Variants in MIGA2 observed in about 807,000 individuals in gnomAD.
MIGA2 encodes family with sequence similarity 73, member B.
In MIGA2, 36 loss-of-function variants were observed where a neutral mutation model predicts 69.9. The observed-to-expected ratio is 0.52, with a 90% confidence interval of 0.39 to 0.68. The LOEUF is 0.68. Among genes scored for constraint, MIGA2 ranks in the 30% least tolerant of loss-of-function variants. MIGA2 has a pLI of 0.00. For missense variants in MIGA2, 660 were observed against 787.7 expected, an observed-to-expected ratio of 0.84 and a Z score of 1.94; for synonymous variants, 333 against 349.2, an observed-to-expected ratio of 0.95 and a Z score of 0.52.
At chr9:129,043,188 C>T (rs1845012863) in intron 3 of MIGA2, among the ~76,000 whole-genome samples, 2 of 148,496 alleles carry the variant, frequency 1.3e-5, no homozygotes, top group African/African-American at 2.5e-5. Flanking sequence ...AGCGAGACTC[C>T]GTCTCAAAAA....
chr9:129,045,836 A>G (rs1845189490), intron 3 of MIGA2, among the ~76,000 whole-genome samples: 1 of 151,968 alleles, frequency 6.6e-6, no homozygotes. Flanking sequence ...AGAATTGGAA[A>G]AATAAGTGTT....
rs1588405252 is a variant in MIGA2, at chr9:129,061,365, A to G, written c.1010+19A>G. On this transcript the variant is annotated intron_variant, in intron 9 of 15. Coordinates refer to ENST00000684074, the MANE Select transcript of MIGA2 (RefSeq NM_001329990.2). This position sits in a 1 kb window ranked among gnomAD's most constrained non-coding sequence, Gnocchi z 5.0. The stretch of plus-strand genomic sequence containing the variant: ...CCCTCAGGTGAGCAGGTGTGGAGGG[A>G]GGGAGGGAGGGAGCAGGAGGCGATG... 1.8e-6 allele frequency: 1 copy of G among 568,546 alleles called. No individual in the cohort carries two copies. Among genetic ancestry groups the G allele is most frequent in the Non-Finnish European group, 3.4e-6 (1 of 294,746 alleles). The allele number at this position is 568,546 out of a possible 1,614,324, so 35.2% of individuals were successfully genotyped here. A position where few individuals can be genotyped will look rare whatever the true frequency, so the allele number is the denominator to read the frequency against.
At position 129,068,013 on chromosome 9, in the gene MIGA2, C is replaced by T. The variant is rs774105308; in HGVS notation, c.1269+142C>T. The T allele has an allele frequency of 6.3e-6, 8 of 1,261,344 alleles. No homozygotes were observed. In the African/African-American group the frequency reaches 1.0e-4, roughly 16 times the overall value. The allele number at this position is 1,261,344 out of a possible 1,614,324, so 78.1% of individuals were successfully genotyped here. On this transcript the variant is annotated intron_variant, in intron 12 of 15. Coordinates refer to ENST00000684074, the MANE Select transcript of MIGA2 (RefSeq NM_001329990.2). This position sits in a 1 kb window ranked among gnomAD's most constrained non-coding sequence, Gnocchi z 4.1. ...CTCATAGTCCCCGGTTCCTGCCCTG[C>T]CCCAGGCCAAGGCAGAGGGAGGAAT... is the stretch of plus-strand genomic sequence containing the variant.
At position 129,060,098 on chromosome 9, in the gene MIGA2, G is replaced by A. The variant is rs547383611; in HGVS notation, c.794-452G>A. On this transcript the variant is annotated intron_variant, in intron 7 of 15. Coordinates refer to ENST00000684074, the MANE Select transcript of MIGA2 (RefSeq NM_001329990.2). This position sits in a 1 kb window ranked among gnomAD's most constrained non-coding sequence, Gnocchi z 4.8. The stretch of plus-strand genomic sequence containing the variant: ...GGTCCACACCCCTCAGCCCTTGGGC[G>A]AGCACGGAGGGGAACTCCAGGTTAG... 2.6e-5 allele frequency among the ~76,000 whole-genome samples: 4 copies of A among 152,344 alleles called. No homozygotes were observed. The highest frequency in any genetic ancestry group is 3.9e-4 in the East Asian group (2 of 5,178).
chr9:129,070,749 A>G lies in MIGA2; in HGVS notation c.*296A>G, dbSNP rs1021403067. 2.2e-6 allele frequency: 1 copy of G among 454,074 alleles called. No homozygotes were observed. The highest frequency in any genetic ancestry group is 4.0e-6 in the Non-Finnish European group (1 of 250,420). The allele number at this position is 454,074 out of a possible 1,614,324, so 28.1% of individuals were successfully genotyped here. On this transcript the variant is annotated 3_prime_UTR_variant, in exon 16 of 16. Coordinates refer to ENST00000684074, the MANE Select transcript of MIGA2 (RefSeq NM_001329990.2). The stretch of plus-strand genomic sequence containing the variant: ...CAGGTGGGGGACCCCAAAACCTCCC[A>G]TCGCTCCAGGGCTGCTGACAAGGGT...
chr9:129,061,356 TGTGG>T lies in MIGA2; in HGVS notation c.1010+11_1010+14del. On this transcript the variant is annotated intron_variant, in intron 9 of 15. Transcript: ENST00000684074. The surrounding 1 kb of genome is among the most constrained non-coding windows in gnomAD (Gnocchi z 5.0). ...CTTGCCGGACCCTCAGGTGAGCAGGTGTGGAGGGAGGGAGGGAGGGAGCAGGAGG... is the reference window on the plus strand; with the variant it reads ...CTTGCCGGACCCTCAGGTGAGCAGGTAGGGAGGGAGGGAGGGAGCAGGAGG... 7.1e-7 allele frequency: 1 copy of T among 1,400,824 alleles called. No homozygotes were observed. The highest frequency in any genetic ancestry group is 9.9e-7 in the Non-Finnish European group (1 of 1,005,458). The allele number at this position is 1,400,824 out of a possible 1,614,324, so 86.8% of individuals were successfully genotyped here.
chr9:129,068,832 T>C lies in MIGA2; in HGVS notation c.1405-244T>C. On this transcript the variant is annotated intron_variant, in intron 13 of 15. Transcript: ENST00000684074. This position sits in a 1 kb window ranked among gnomAD's most constrained non-coding sequence, Gnocchi z 4.1. Reference sequence around the variant, plus strand: ...GGTGGGAGTGCTGTGTTGTGCCCCTTTACAGAAGAGGAGACCGAGGCTCAG... The same window carrying C: ...GGTGGGAGTGCTGTGTTGTGCCCCTCTACAGAAGAGGAGACCGAGGCTCAG... 1 of 556,086 alleles carries C rather than the reference T, an allele frequency of 1.8e-6. No homozygotes were observed. The highest frequency in any genetic ancestry group is 2.0e-5 in the South Asian group (1 of 49,814). 34.4% of individuals were successfully genotyped at this position (556,086 alleles called of 1,614,324 possible).
At chr9:129,063,696 C>T in intron 11 of MIGA2, 65 bp downstream of exon 11, 1 of 1,542,432 alleles carries the variant, frequency 6.5e-7, no homozygotes, top group Non-Finnish European at 8.9e-7. Flanking sequence ...CCCCTGAACC[C>T]CACCTGCCAG....
chr9:129,038,827 G>T (rs1034995351), intron 1 of MIGA2, among the ~76,000 whole-genome samples: 1 of 119,922 alleles, frequency 8.3e-6, no homozygotes, highest in South Asian at 2.6e-4. Flanking sequence ...GCAGAGTCTC[G>T]CTCTGTCACC....
rs866011773 is a variant in MIGA2 at position 129,069,948 on chromosome 9, G to A, written c.1558G>A (p.Val520Ile). 2 of 1,608,452 alleles carry A rather than the reference G, an allele frequency of 1.2e-6. No homozygotes were observed. The highest frequency in any genetic ancestry group is 1.3e-5 in the African/African-American group (1 of 74,622). Residue 520 changes from valine to isoleucine, a missense_variant, in exon 15 of 16, where the codon GTC becomes ATC. By Grantham distance (29) the Val-to-Ile change is conservative. Around this residue, in one of 3 missense-constraint regions of MIGA2, gnomAD observed 220 missense variants for 301.7 expected, o/e 0.73. Coordinates refer to ENST00000684074, the MANE Select transcript of MIGA2 (RefSeq NM_001329990.2). The surrounding 1 kb of genome is among the most constrained non-coding windows in gnomAD (Gnocchi z 4.9). ...TGGACCCAAGCCTCAGCTTGCTGAAGTCTGTGCTTTCTTCAAGGTAAACAG... is the reference window on the plus strand; with the variant it reads ...TGGACCCAAGCCTCAGCTTGCTGAAATCTGTGCTTTCTTCAAGGTAAACAG... ...FLGPKPQLAE[V>I]CAFFKHQIVQ...
chr9:129,057,937 A>G (rs1331737870), intron 6 of MIGA2, among the ~76,000 whole-genome samples: 5 of 151,936 alleles, frequency 3.3e-5, no homozygotes, highest in African/African-American at 1.2e-4. Context: ...CTTTAATAAC[A>G]TTTTCTTTTC....
chr9:129,070,190 G>A, intron 15 of MIGA2, 57 bp from the exon 16 acceptor site: 3 of 1,578,778 alleles, frequency 1.9e-6, no homozygotes, highest in South Asian at 1.1e-5. Context: ...GGTAACCTGG[G>A]GGGCATCATG....
At chr9:129,039,038 G>A (rs1844748322) in intron 1 of MIGA2, among the ~76,000 whole-genome samples, 1 of 151,244 alleles carries the variant, frequency 6.6e-6, no homozygotes, top group Non-Finnish European at 1.5e-5. Context: ...CAGGTGATCC[G>A]CCCGCCTCAG....
In MIGA2 at chr9:129,049,808, T is replaced by A. The variant is rs753876445; in HGVS notation, c.539-19T>A. 3.7e-6 allele frequency: 6 copies of A among 1,613,656 alleles called. No homozygotes were observed. The African/African-American group carries it at 8.0e-5, about 22-fold the overall frequency. On this transcript the variant is annotated intron_variant, in intron 5 of 15. Transcript: ENST00000684074. ...CTGTGGAGGTGCTGACCCACGCTTT[T>A]CGCCTCACCTGTGCTCAGGCATGGA...
intron 6 of MIGA2, among the ~76,000 whole-genome samples, chr9:129,052,133 T>C (rs1346035418): frequency 7.4e-6 from 1 of 135,276 alleles, no homozygotes; most frequent in Non-Finnish European, 1.6e-5. Flanking sequence ...GCCTGTAATT[T>C]ATTTATTTTT....
chr9:129,061,914 T>C lies in MIGA2; in HGVS notation c.1010+568T>C, dbSNP rs1846084688. Among the ~76,000 whole-genome samples, 1 of 152,228 alleles carries C rather than the reference T, an allele frequency of 6.6e-6. No homozygotes were observed. Among genetic ancestry groups the C allele is most frequent in the African/African-American group, 2.4e-5 (1 of 41,460 alleles). ...TCGCTTAACTTCTCTTAGCCTCAGT[T>C]TCTTTGTCTGTGGTTATGTTTAGGC... On this transcript the variant is annotated intron_variant, in intron 9 of 15. Transcript: ENST00000684074. The surrounding 1 kb of genome is among the most constrained non-coding windows in gnomAD (Gnocchi z 5.0).
chr9:129,066,211 G>A (rs1846333051), intron 11 of MIGA2, among the ~76,000 whole-genome samples: 1 of 152,182 alleles, frequency 6.6e-6, no homozygotes, highest in Admixed American at 6.5e-5. Context: ...GGGTAGACTG[G>A]ATTTGAAGCC....
chr9:129,040,323 A>G (rs1281228999), intron 1 of MIGA2, 129 bp from the exon 2 acceptor site: 22 of 527,174 alleles, frequency 4.2e-5, no homozygotes, highest in Non-Finnish European at 5.4e-5. Flanking sequence ...CTGGGGCCTG[A>G]TTCCAGGCCT....
Position 129,060,446 on chromosome 9 carries a change from G to C in MIGA2, c.794-104G>C, listed in dbSNP as rs1846006219. The stretch of plus-strand genomic sequence containing the variant: ...TTGAGTGTGGGAATCACAGGCTCGG[G>C]ATGAAGCCTCCCCTGGGCCTGATGG... On this transcript the variant is annotated intron_variant, in intron 7 of 15. Coordinates refer to ENST00000684074, the MANE Select transcript of MIGA2 (RefSeq NM_001329990.2). This position sits in a 1 kb window ranked among gnomAD's most constrained non-coding sequence, Gnocchi z 4.8. The C allele has an allele frequency of 1.1e-6, 1 of 929,766 alleles. No individual in the cohort carries two copies. The highest frequency in any genetic ancestry group is 1.7e-5 in the African/African-American group (1 of 60,412). 57.6% of individuals were successfully genotyped at this position (929,766 alleles called of 1,614,324 possible).
Sources: gnomAD v4.1 joint callset for allele counts (sites outside exome capture counted in the v4.1 genomes callset) on GRCh38, gnomAD v4.1.1 for gene constraint, gnomAD v4.1.1 regional missense constraint, Gnocchi (gnomAD v3.1) non-coding constraint, MANE v1.5 for transcripts, NCBI Gene and HGNC (gene_info 2026-07-23, HGNC 2026-07-21) for gene names.